The following CD247 variants were observed in gnomAD, a reference collection of about 807,000 sequenced individuals.
The protein encoded by CD247 is T-cell surface glycoprotein CD3 zeta chain.
CD247 carries 13 observed loss-of-function variants against 30.0 expected under a neutral mutation model. That is an observed-to-expected ratio of 0.43 (90% CI 0.28 to 0.69). CD247 has a LOEUF of 0.69. Among genes scored for constraint, CD247 ranks in the 30% least tolerant of loss-of-function variants. The pLI, the probability that CD247 is intolerant of heterozygous loss-of-function variation, is 0.16. For missense variants in CD247, 193 were observed against 212.6 expected, an observed-to-expected ratio of 0.91 and a Z score of 0.57; for synonymous variants, 72 against 80.0, an observed-to-expected ratio of 0.90 and a Z score of 0.53.
At chr1:167,507,144 C>CCGGA (rs1425020776) in intron 1 of CD247, among the ~76,000 whole-genome samples, 1 of 151,934 alleles carries the variant, frequency 6.6e-6, no homozygotes, top group Admixed American at 6.6e-5. Context: ...ATCTCAAACT[C>CCGGA]CGGACCCTGG....
chr1:167,505,434 C>T (rs1164104090), intron 1 of CD247, among the ~76,000 whole-genome samples: 4 of 152,216 alleles, frequency 2.6e-5, no homozygotes, highest in Admixed American at 6.5e-5. Context: ...TATGTGTTTG[C>T]ATGTATGTGT....
intron 1 of CD247, among the ~76,000 whole-genome samples, chr1:167,453,009 GCA>G (rs1491349104): frequency 4.7e-4 from 27 of 57,346 alleles, no homozygotes; most frequent in Non-Finnish European, 1.1e-3. Context: ...GTGTGTGTGT[GCA>G]TATATATATA....
intron 1 of CD247, among the ~76,000 whole-genome samples, chr1:167,475,050 CA>C (rs1269336178): frequency 1.3e-5 from 2 of 152,126 alleles, no homozygotes; most frequent in Non-Finnish European, 2.9e-5. Flanking sequence ...CCGCACCCGG[CA>C]AAACTGTCAA....
intron 1 of CD247, among the ~76,000 whole-genome samples, chr1:167,462,605 G>C (rs576714203): frequency 1.3e-5 from 2 of 152,352 alleles, no homozygotes; most frequent in Admixed American, 1.3e-4. Flanking sequence ...GAGGAGAACT[G>C]TTCCTTTTGG....
At chr1:167,434,670 G>A (rs955496478) in intron 5 of CD247, 5 of 409,368 alleles carry the variant, frequency 1.2e-5, no homozygotes, top group South Asian at 5.4e-5. Context: ...CAGCCACCTC[G>A]TCCTTGCCTA....
At chr1:167,432,955 GT>G in intron 7 of CD247, 68 bp downstream of exon 7, 1 of 1,549,086 alleles carries the variant, frequency 6.5e-7, no homozygotes, top group East Asian at 2.2e-5. Flanking sequence ...CAGGCAAAAT[GT>G]GGGGGCCTTG....
intron 5 of CD247, chr1:167,434,412 A>C: frequency 2.5e-6 from 1 of 406,590 alleles, no homozygotes; most frequent in Non-Finnish European, 4.6e-6. Flanking sequence ...GGAGCCCCAG[A>C]ATCATTTATC....
intron 1 of CD247, among the ~76,000 whole-genome samples, chr1:167,442,356 T>C (rs897599665): frequency 1.3e-5 from 2 of 152,132 alleles, no homozygotes; most frequent in African/African-American, 4.8e-5. Flanking sequence ...TGGACCCAGA[T>C]GAGGGCAGAG....
At chr1:167,498,765 G>A (rs1654793023) in intron 1 of CD247, among the ~76,000 whole-genome samples, 1 of 152,196 alleles carries the variant, frequency 6.6e-6, no homozygotes, top group South Asian at 2.1e-4. Flanking sequence ...ATTGCCTCAT[G>A]AATCTATGCT....
chr1:167,475,921 A>G (rs188984795), intron 1 of CD247, among the ~76,000 whole-genome samples: 41 of 152,342 alleles, frequency 2.7e-4, no homozygotes, highest in Admixed American at 2.0e-3. Flanking sequence ...AATTATTTCA[A>G]CACCAACTTG....
rs1654594755 is a variant in CD247 at position 167,494,487 on chromosome 1, G to A, written c.58+23921C>T. 6.6e-6 allele frequency among the ~76,000 whole-genome samples: 1 copy of A among 152,174 alleles called. No individual in the cohort carries two copies. Among genetic ancestry groups the A allele is most frequent in the South Asian group, 2.1e-4 (1 of 4,826 alleles). ...TCCCTGGGCTGCAGTTTTCCCATCT[G>A]TGATATGGGGATAATGTCCTCACCC... is the stretch of plus-strand genomic sequence containing the variant. On this transcript the variant is annotated intron_variant, in intron 1 of 7. Coordinates refer to ENST00000362089, the MANE Select transcript of CD247 (RefSeq NM_198053.3). The surrounding 1 kb of genome is among the most constrained non-coding windows in gnomAD (Gnocchi z 7.3).
rs986644237 is a variant in CD247 at position 167,440,447 on chromosome 1, G to A, written c.162+217C>T. 7 of 609,646 alleles carry A rather than the reference G, an allele frequency of 1.1e-5. No homozygotes were observed. The African/African-American group carries it at 1.3e-4, about 11-fold the overall frequency. 37.8% of individuals were successfully genotyped at this position (609,646 alleles called of 1,614,324 possible). ...GTACGGCTTGTCATGGAGGTGCCTA[G>A]CACCAGGCTCTCCCTCCTACCCTGT... On this transcript the variant is annotated intron_variant, in intron 2 of 7. Transcript: ENST00000362089.
intron 3 of CD247, 125 bp from the exon 4 acceptor site, chr1:167,438,775 A>T: frequency 1.3e-6 from 1 of 767,766 alleles, no homozygotes; most frequent in Non-Finnish European, 2.4e-6. Context: ...GGGGCTGGGG[A>T]GGGGATGGTA....
At chr1:167,434,782 TA>T (rs1651448574) in intron 5 of CD247, 1 of 455,152 alleles carries the variant, frequency 2.2e-6, no homozygotes. Flanking sequence ...ACTTTTCAGC[TA>T]AGGAGACTTT....
chr1:167,440,867 T>C, intron 1 of CD247, 100 bp from the exon 2 acceptor site: 1 of 743,620 alleles, frequency 1.3e-6, no homozygotes, highest in South Asian at 1.5e-5. Context: ...AAATAAATCA[T>C]GACACGGAGA....
At chr1:167,443,328 T>G (rs566771382) in intron 1 of CD247, among the ~76,000 whole-genome samples, 5 of 152,066 alleles carry the variant, frequency 3.3e-5, no homozygotes, top group Admixed American at 3.3e-4. Flanking sequence ...TGAACTTCAG[T>G]GATGAGGAAG....
intron 1 of CD247, among the ~76,000 whole-genome samples, chr1:167,511,679 A>T (rs531152505): frequency 1.2e-3 from 190 of 152,270 alleles, no homozygotes; most frequent in African/African-American, 4.2e-3. Context: ...AGTAAGGGGA[A>T]TACCTTTAGA....
At chr1:167,448,068 T>C (rs1213928284) in intron 1 of CD247, among the ~76,000 whole-genome samples, 2 of 152,156 alleles carry the variant, frequency 1.3e-5, no homozygotes, top group Admixed American at 1.3e-4. Context: ...CTCAGTGGGT[T>C]GCTCCCTTTC....
In CD247 at chr1:167,433,865, G is replaced by A. The variant is rs575759116; in HGVS notation, c.393+155C>T. 1.2e-4 allele frequency among the ~76,000 whole-genome samples: 19 copies of A among 152,236 alleles called. No homozygotes were observed. In the East Asian group the frequency reaches 3.3e-3, roughly 26 times the overall value. On this transcript the variant is annotated intron_variant, in intron 6 of 7. Transcript: ENST00000362089. ...TTCCTTAGTTTCTTATGTTCTGCCC[G>A]GCTGGGTGACAGCCAGGTTCGCCTT...
Sources: gnomAD v4.1 joint callset for allele counts (sites outside exome capture counted in the v4.1 genomes callset) on GRCh38, gnomAD v4.1.1 for gene constraint, Gnocchi (gnomAD v3.1) non-coding constraint, MANE v1.5 for transcripts, NCBI Gene and HGNC (gene_info 2026-07-23, HGNC 2026-07-21) for gene names.